Variants in NBAS observed in about 807,000 individuals in gnomAD.
NBAS encodes the protein NAG/BC035112 fusion.
NBAS carries 219 observed loss-of-function variants against 302.5 expected under a neutral mutation model. The ratio of observed to expected loss-of-function variants is 0.72; its 90% CI spans 0.65 to 0.81. NBAS has a LOEUF of 0.81. NBAS is among the 30% of genes least tolerant of loss of function. The pLI is 0.00. For synonymous variants in NBAS, 1,118 were observed against 1,021.6 expected, an observed-to-expected ratio of 1.09 and a Z score of -1.80; for missense variants, 2,932 against 2,841.6, an observed-to-expected ratio of 1.03 and a Z score of -0.72.
the NBAS span, among the ~76,000 whole-genome samples, chr2:15,084,792 C>A: frequency 6.6e-6 from 1 of 152,176 alleles, no homozygotes; most frequent in Non-Finnish European, 1.5e-5. Context: ...GGGTGTAGAC[C>A]AAACTGCAGA....
chr2:15,553,915 T>C (rs762119528), intron 4 of NBAS, 146 bp downstream of exon 4: 168 of 628,370 alleles, frequency 2.7e-4, no homozygotes, highest in Non-Finnish European at 4.2e-4. Context: ...TCTAAAAAGT[T>C]TAAACAATAC....
the NBAS span, among the ~76,000 whole-genome samples, chr2:15,098,629 A>T: frequency 7.7e-6 from 1 of 130,650 alleles, no homozygotes; most frequent in East Asian, 2.4e-4. Context: ...TATATATTGT[A>T]TATTATATAT....
intron 21 of NBAS, among the ~76,000 whole-genome samples, chr2:15,430,720 T>C (rs917208571): frequency 6.6e-6 from 1 of 152,150 alleles, no homozygotes; most frequent in African/African-American, 2.4e-5. Flanking sequence ...ATAGGGACTA[T>C]AGTCTAGTCC....
chr2:15,452,632 G>T (rs1425735761), intron 21 of NBAS, among the ~76,000 whole-genome samples: 2 of 151,720 alleles, frequency 1.3e-5, no homozygotes, highest in African/African-American at 4.8e-5. Flanking sequence ...GGTCCTAATG[G>T]TCCCTATGCT....
chr2:14,782,001 A>G, the NBAS span, among the ~76,000 whole-genome samples: 3 of 152,086 alleles, frequency 2.0e-5, no homozygotes, highest in Admixed American at 2.0e-4. Context: ...CCACAAGTTC[A>G]TGGACCCACC....
the NBAS span, among the ~76,000 whole-genome samples, chr2:15,016,214 G>A: frequency 6.6e-6 from 1 of 152,094 alleles, no homozygotes; most frequent in Non-Finnish European, 1.5e-5. Context: ...GCAGGCAAGA[G>A]ACAATGACAG....
chr2:14,871,231 A>T, the NBAS span, among the ~76,000 whole-genome samples: 1 of 152,024 alleles, frequency 6.6e-6, no homozygotes, highest in African/African-American at 2.4e-5. Flanking sequence ...GGGAAGAGAA[A>T]AAAAAAATCT....
the NBAS span, among the ~76,000 whole-genome samples, chr2:15,053,067 C>T: frequency 6.6e-6 from 1 of 152,060 alleles, no homozygotes; most frequent in African/African-American, 2.4e-5. Context: ...CCTGTGCATG[C>T]ATTAAAAGAA....
At chr2:15,539,104 C>A in intron 7 of NBAS, 119 bp downstream of exon 7, 1 of 1,384,726 alleles carries the variant, frequency 7.2e-7, no homozygotes, top group Non-Finnish European at 1.0e-6. Context: ...GTCTTAAGTC[C>A]ACAGCTTATT....
the NBAS span, among the ~76,000 whole-genome samples, chr2:15,007,248 T>C: frequency 6.6e-6 from 1 of 152,210 alleles, no homozygotes; most frequent in Non-Finnish European, 1.5e-5. Flanking sequence ...AGCGCCACCA[T>C]GGTCTTTTTT....
chr2:15,288,165 A>G (rs1419653576), intron 41 of NBAS, among the ~76,000 whole-genome samples: 1 of 152,278 alleles, frequency 6.6e-6, no homozygotes. Flanking sequence ...TTGAGAAAGC[A>G]CAATTAGTCA....
intron 32 of NBAS, among the ~76,000 whole-genome samples, chr2:15,364,519 G>A (rs966762015): frequency 2.0e-5 from 3 of 152,020 alleles, no homozygotes; most frequent in African/African-American, 7.2e-5. Context: ...CAACAAGAGC[G>A]AAACTCTGTC....
At chr2:15,514,046 G>T (rs979308559) in intron 9 of NBAS, among the ~76,000 whole-genome samples, 5 of 152,132 alleles carry the variant, frequency 3.3e-5, no homozygotes, top group Non-Finnish European at 7.3e-5. Context: ...ACAGATTACT[G>T]TTAATTATTT....
chr2:15,139,293 T>C, the NBAS span, among the ~76,000 whole-genome samples: 34 of 152,346 alleles, frequency 2.2e-4, no homozygotes, highest in Middle Eastern at 3.4e-3. Context: ...CCTTCAGTAC[T>C]TAGAGAAATC....
chr2:15,219,034 C>A, intron 47 of NBAS, 66 bp from the exon 48 acceptor site: 1 of 1,567,232 alleles, frequency 6.4e-7, no homozygotes, highest in Non-Finnish European at 8.7e-7. Context: ...TTCCGGTAAT[C>A]AAATGTGGTC....
In NBAS at chr2:15,322,032, T is replaced by C. The variant is rs147114985; in HGVS notation, c.4582+5718A>G. On this transcript the variant is annotated intron_variant, in intron 38 of 51. Transcript: ENST00000281513. ...CAGACCAGATTAAGAAAATGTGGCATATAAACCATGGAATACTATGCAGTC... is the reference window on the plus strand; with the variant it reads ...CAGACCAGATTAAGAAAATGTGGCACATAAACCATGGAATACTATGCAGTC... Among the ~76,000 whole-genome samples the C allele has an allele frequency of 2.7e-3, 404 of 152,126 alleles. 2 individuals are homozygous for C. The highest frequency in any genetic ancestry group is 9.2e-3 in the African/African-American group (381 of 41,532).
At chr2:15,554,986 ACC>A (rs1664582342) in intron 3 of NBAS, among the ~76,000 whole-genome samples, 1 of 152,192 alleles carries the variant, frequency 6.6e-6, no homozygotes, top group Admixed American at 6.5e-5. Context: ...GAGGATTAAT[ACC>A]CGAAGAAATC....
chr2:15,483,368 C>A, intron 12 of NBAS: 1 of 434,052 alleles, frequency 2.3e-6, no homozygotes, highest in Non-Finnish European at 4.8e-6. Context: ...TAGTCCAACA[C>A]CTACTATGTG....
intron 21 of NBAS, among the ~76,000 whole-genome samples, chr2:15,450,269 T>G (rs781554790): frequency 1.3e-5 from 2 of 152,222 alleles, no homozygotes; most frequent in Non-Finnish European, 2.9e-5. Context: ...GGAATATATT[T>G]TGTACTCTGT....
Sources: allele counts gnomAD v4.1 joint callset (sites outside exome capture counted in the v4.1 genomes callset), GRCh38; gene constraint gnomAD v4.1.1; transcripts MANE v1.5; gene names NCBI Gene and HGNC (gene_info 2026-07-23, HGNC 2026-07-21).